The following TRAK1 variants were observed in gnomAD, a reference collection of about 807,000 sequenced individuals.
TRAK1 encodes the protein trafficking kinesin-binding protein 1.
A neutral mutation model predicts 92.1 loss-of-function variants in TRAK1; 33 were observed. The observed-to-expected ratio is 0.36, with a 90% CI of 0.27 to 0.48. The LOEUF (loss-of-function observed/expected upper bound fraction) is 0.48, where lower values mean the gene tolerates loss of function less well. Among genes scored for constraint, TRAK1 ranks in the 20% least tolerant of loss-of-function variants. The probability of loss-of-function intolerance (pLI) is 0.99; values close to 1 mark genes in which losing one functional copy is unlikely to be tolerated. For missense variants in TRAK1, 1,123 were observed against 1,257.9 expected (o/e 0.89, Z 1.62); for synonymous variants, 521 against 517.3 (o/e 1.01, Z -0.10).
intron 1 of TRAK1, 67 bp downstream of exon 1, chr3:42,091,627 A>G (rs142934957): frequency 9.2e-5 from 135 of 1,475,376 alleles, no homozygotes; most frequent in Admixed American, 1.7e-4. Context: ...AGGAGAAAAG[A>G]CCACAGGAGA....
At chr3:42,132,994 T>C (rs189165864) in intron 2 of TRAK1, among the ~76,000 whole-genome samples, 61 of 152,324 alleles carry the variant, frequency 4.0e-4, no homozygotes, top group Middle Eastern at 3.4e-3. Flanking sequence ...CCTCCAGATA[T>C]ATCCCAGACC....
At chr3:42,137,642 G>A (rs535560154) in intron 2 of TRAK1, among the ~76,000 whole-genome samples, 29 of 152,306 alleles carry the variant, frequency 1.9e-4, no homozygotes, top group Admixed American at 1.4e-3. Flanking sequence ...AAGCAGTAAC[G>A]TATGCTATTT....
intron 10 of TRAK1, among the ~76,000 whole-genome samples, chr3:42,195,865 C>T (rs1466275339): frequency 2.0e-5 from 3 of 152,212 alleles, no homozygotes; most frequent in Non-Finnish European, 4.4e-5. Context: ...CCTGATCTAG[C>T]GCTAACCACA....
chr3:42,025,002 C>T (rs1472293008), intron 1 of TRAK1, among the ~76,000 whole-genome samples: 1 of 152,210 alleles, frequency 6.6e-6, no homozygotes. Flanking sequence ...AATTCTTTCC[C>T]TTCCTGATGC....
intron 2 of TRAK1, among the ~76,000 whole-genome samples, chr3:42,168,788 T>G (rs547152166): frequency 1.3e-5 from 2 of 152,180 alleles, no homozygotes; most frequent in East Asian, 3.9e-4. Context: ...TCCAGGCTGG[T>G]CTCAAACTCT....
At chr3:42,183,402 A>G (rs755470817) in intron 3 of TRAK1, among the ~76,000 whole-genome samples, 2 of 151,902 alleles carry the variant, frequency 1.3e-5, no homozygotes, top group Non-Finnish European at 1.5e-5. Context: ...CTAAAAATAC[A>G]AAAATTAGCT....
chr3:42,157,515 G>A (rs1481070362), intron 2 of TRAK1, among the ~76,000 whole-genome samples: 1 of 134,634 alleles, frequency 7.4e-6, no homozygotes, highest in Non-Finnish European at 1.5e-5. Flanking sequence ...TAGTGGGACC[G>A]CTCCACAGCA....
chr3:42,178,114 C>T (rs1703461664), intron 3 of TRAK1, among the ~76,000 whole-genome samples: 2 of 152,116 alleles, frequency 1.3e-5, no homozygotes, highest in South Asian at 2.1e-4. Context: ...AAAGTGCTTC[C>T]GGCACCCGCT....
intron 1 of TRAK1, among the ~76,000 whole-genome samples, chr3:42,047,087 G>T (rs191716119): frequency 1.3e-5 from 2 of 150,986 alleles, no homozygotes; most frequent in Admixed American, 1.3e-4. Flanking sequence ...GTATTAGCTT[G>T]TACTTTTTAA....
rs961226511 is a variant in TRAK1, at chr3:42,217,371, C to A, written c.1964-2123C>A. ...AGCACTTTGGAAACTTGTTGATCTT[C>A]CTTGGTCTTCTACGGCTATTCATTG... On this transcript the variant is annotated intron_variant, in intron 14 of 15. Coordinates refer to ENST00000327628, the MANE Select transcript of TRAK1 (RefSeq NM_001042646.3). 5 of 985,262 alleles carry A rather than the reference C, an allele frequency of 5.1e-6. No homozygotes were observed. The African/African-American group carries it at 8.7e-5, about 17-fold the overall frequency. 61.0% of individuals were successfully genotyped at this position (985,262 alleles called of 1,614,324 possible).
intron 2 of TRAK1, among the ~76,000 whole-genome samples, chr3:42,128,111 G>A (rs1380738964): frequency 2.6e-5 from 4 of 152,216 alleles, no homozygotes; most frequent in Admixed American, 6.5e-5. Context: ...CCTGGGAGGC[G>A]GAGATTGTGG....
At chr3:42,062,223 T>A (rs761611820) in intron 1 of TRAK1, among the ~76,000 whole-genome samples, 2 of 151,928 alleles carry the variant, frequency 1.3e-5, no homozygotes, top group Non-Finnish European at 2.9e-5. Flanking sequence ...CTGTTACTCT[T>A]GTGAAACTCT....
At chr3:42,105,921 G>T (rs1051688653) in intron 1 of TRAK1, among the ~76,000 whole-genome samples, 32 of 152,166 alleles carry the variant, frequency 2.1e-4, no homozygotes, top group Non-Finnish European at 4.1e-4. Flanking sequence ...GCCAAACTAA[G>T]CTTCATAAGT....
intron 2 of TRAK1, among the ~76,000 whole-genome samples, chr3:42,140,928 G>A (rs1044311484): frequency 6.6e-6 from 1 of 152,200 alleles, no homozygotes; most frequent in African/African-American, 2.4e-5. Flanking sequence ...TGTGCTAGCA[G>A]TAAGGTGGAG....
intron 1 of TRAK1, among the ~76,000 whole-genome samples, chr3:42,102,694 C>T (rs539383624): frequency 6.6e-6 from 1 of 152,320 alleles, no homozygotes; most frequent in South Asian, 2.1e-4. Flanking sequence ...CCCTGACCTT[C>T]CAGTGTGCAT....
chr3:42,191,532 G>T (rs755168657), intron 6 of TRAK1, 26 bp from the exon 7 acceptor site: 7 of 1,567,466 alleles, frequency 4.5e-6, no homozygotes, highest in Non-Finnish European at 6.1e-6. Flanking sequence ...AGAATGTGGG[G>T]CCTCTGACCT....
intron 1 of TRAK1, among the ~76,000 whole-genome samples, chr3:42,075,172 T>A (rs549364443): frequency 3.2e-4 from 48 of 151,834 alleles, no homozygotes; most frequent in African/African-American, 6.8e-4. Flanking sequence ...TTAAAAAAAA[T>A]TTTAATTAAA....
chr3:42,068,780 C>T (rs1411487658), intron 1 of TRAK1, among the ~76,000 whole-genome samples: 1 of 152,188 alleles, frequency 6.6e-6, no homozygotes, highest in Non-Finnish European at 1.5e-5. Flanking sequence ...ATTTATTGAA[C>T]ATTAACTGTA....
intron 14 of TRAK1, chr3:42,217,704 T>G (rs1328281896): frequency 1.0e-6 from 1 of 985,312 alleles, no homozygotes. Flanking sequence ...TTATTTCTAT[T>G]TACTGCTTTC....
Sources: gnomAD v4.1 joint callset for allele counts (sites outside exome capture counted in the v4.1 genomes callset) on GRCh38, gnomAD v4.1.1 for gene constraint, MANE v1.5 for transcripts, NCBI Gene and HGNC (gene_info 2026-07-23, HGNC 2026-07-21) for gene names.